The following ZNF831 variants were observed in gnomAD, a reference collection of about 807,000 sequenced individuals.
The protein encoded by ZNF831 is chromosome 20 open reading frame 174.
Under a neutral mutation model 95.8 loss-of-function variants are expected in ZNF831, and 59 were observed. The ratio of observed to expected loss-of-function variants is 0.62; its 90% CI spans 0.50 to 0.77. The LOEUF (loss-of-function observed/expected upper bound fraction) is 0.77. Ranked by LOEUF, ZNF831 falls within the 30% of genes least tolerant of loss-of-function variation. The pLI, the probability that ZNF831 is intolerant of heterozygous loss-of-function variation, is 0.00. For missense variants in ZNF831, 2,205 were observed against 2,164.0 expected (o/e 1.02, Z -0.38); for synonymous variants, 961 against 925.5 (o/e 1.04, Z -0.70).
chr20:59,163,622 T>A (rs962212584), upstream of ZNF831, among the ~76,000 whole-genome samples: 2 of 152,106 alleles, frequency 1.3e-5, no homozygotes, highest in African/African-American at 4.8e-5. Flanking sequence ...TCTAATGCAA[T>A]GTTTTTTTGC....
chr20:59,147,832 A>G (rs749527041), intron 2 of ZNF831, among the ~76,000 whole-genome samples: 11 of 152,264 alleles, frequency 7.2e-5, no homozygotes, highest in Non-Finnish European at 1.5e-4. Context: ...TTCATATTTC[A>G]GAGGCGAGGC....
At chr20:59,133,656 G>A (rs1979414373) in intron 1 of ZNF831, among the ~76,000 whole-genome samples, 2 of 152,148 alleles carry the variant, frequency 1.3e-5, no homozygotes, top group Non-Finnish European at 2.9e-5. Flanking sequence ...GATAAAGGCT[G>A]GTTGACCAAG....
intron 2 of ZNF831, among the ~76,000 whole-genome samples, chr20:59,147,725 C>G (rs181472229): frequency 6.6e-6 from 1 of 152,190 alleles, no homozygotes; most frequent in African/African-American, 2.4e-5. Flanking sequence ...ATAGTTTAGG[C>G]AAAGTGTAAT....
At chr20:59,220,795 CT>C (rs1986027686) in intron 4 of ZNF831, among the ~76,000 whole-genome samples, 1 of 151,990 alleles carries the variant, frequency 6.6e-6, no homozygotes, top group African/African-American at 2.4e-5. Flanking sequence ...TAACGTTTCC[CT>C]TTCTCTCTCA....
intron 1 of ZNF831, among the ~76,000 whole-genome samples, chr20:59,136,959 G>T (rs547794932): frequency 2.6e-5 from 4 of 152,154 alleles, no homozygotes; most frequent in Non-Finnish European, 4.4e-5. Flanking sequence ...GGGAAGGGGT[G>T]CATCCACCTT....
rs1454610949 is a variant in ZNF831, at chr20:59,192,386, T to A, written c.1367T>A (p.Ile456Asn). ...YTYKDSFHFD[I>N]RALEPGRRRA... Reference sequence around the variant, plus strand: ...TACAAGGACTCCTTCCACTTTGACATCCGCGCGCTGGAGCCAGGCCGTAGG... The same window carrying A: ...TACAAGGACTCCTTCCACTTTGACAACCGCGCGCTGGAGCCAGGCCGTAGG... Residue 456 changes from isoleucine (I) to asparagine (N), a missense_variant, in exon 2 of 6, where the codon ATC becomes AAC. By Grantham distance (149) the Ile-to-Asn change is moderately radical. Transcript: ENST00000371030. The surrounding 1 kb of genome is among the most constrained non-coding windows in gnomAD (Gnocchi z 5.2). The A allele has an allele frequency of 1.2e-6, 2 of 1,611,854 alleles. No homozygotes were observed. The highest frequency in any genetic ancestry group is 1.7e-6 in the Non-Finnish European group (2 of 1,179,532).
At chr20:59,172,293 G>A (rs569592721) in intron 1 of ZNF831, among the ~76,000 whole-genome samples, 9 of 152,172 alleles carry the variant, frequency 5.9e-5, no homozygotes, top group South Asian at 4.1e-4. Context: ...TGTTGCTCCC[G>A]TGGCACGCTC....
rs575904880 is a variant in ZNF831, at chr20:59,190,889, G to T, written c.-36-95G>T. On this transcript the variant is annotated intron_variant, in intron 1 of 5. Coordinates refer to ENST00000371030, the MANE Select transcript of ZNF831 (RefSeq NM_178457.3). Reference sequence around the variant, plus strand: ...TTCCTTAGGGGATTGTCAGGCTTCCGTTGGGTGATGAAGTGCTTGGTGCAG... The same window carrying T: ...TTCCTTAGGGGATTGTCAGGCTTCCTTTGGGTGATGAAGTGCTTGGTGCAG... The T allele has an allele frequency of 1.7e-5, 19 of 1,106,296 alleles. 1 individual carries two copies. In the South Asian group the frequency reaches 2.2e-4, roughly 13 times the overall value. 68.5% of individuals were successfully genotyped at this position (1,106,296 alleles called of 1,614,324 possible).
At chr20:59,133,780 C>T (rs975968429) in intron 1 of ZNF831, among the ~76,000 whole-genome samples, 2 of 152,190 alleles carry the variant, frequency 1.3e-5, no homozygotes, top group African/African-American at 2.4e-5. Context: ...GGCAGCTCAG[C>T]GGCAAGGACG....
rs1988299028 is a variant in ZNF831 at position 59,258,941 on chromosome 20, A to C, written c.*4198A>C. ...AAAAACATCAGCCTCTGCCACTTGG[A>C]GCACTAGAGGATGACGGAATGTCTT... On this transcript the variant is annotated 3_prime_UTR_variant, in exon 6 of 6. Transcript: ENST00000371030. The C allele has an allele frequency of 6.6e-6, 1 of 152,218 alleles. No homozygotes were observed. The highest frequency in any genetic ancestry group is 2.1e-4 in the South Asian group (1 of 4,834). The allele number at this position is 152,218 out of a possible 1,614,324, so 9.4% of individuals were successfully genotyped here.
chr20:59,197,883 C>A (rs764972619), intron 3 of ZNF831, among the ~76,000 whole-genome samples: 6 of 151,398 alleles, frequency 4.0e-5, no homozygotes, highest in African/African-American at 1.4e-4. Flanking sequence ...CAAGGGACAT[C>A]GGCTAGTGGT....
At chr20:59,244,173 T>C (rs1160837415) in intron 4 of ZNF831, among the ~76,000 whole-genome samples, 2 of 115,064 alleles carry the variant, frequency 1.7e-5, no homozygotes, top group Non-Finnish European at 3.9e-5. Flanking sequence ...AGAAAAGTGG[T>C]TTCTGGGAAA....
intron 1 of ZNF831, among the ~76,000 whole-genome samples, chr20:59,164,839 A>T (rs1372835718): frequency 2.0e-5 from 3 of 152,164 alleles, no homozygotes; most frequent in African/African-American, 7.2e-5. Flanking sequence ...CTGAGAGGTA[A>T]CGTGTTTCTC....
In ZNF831 at chr20:59,157,596, G is replaced by T. The variant is rs540935987; in HGVS notation, c.-1280-2056G>T. On this transcript the variant is annotated intron_variant, in intron 2 of 7. Coordinates refer to the ZNF831 transcript ENST00000637017. ...AAAACCAAACCCTGGGAAGGGCCAG[G>T]GTCTCTCAGACCAGGACTTGGATTC... Among the ~76,000 whole-genome samples the T allele has an allele frequency of 3.9e-5, 6 of 152,280 alleles. No individual in the cohort carries two copies. In the East Asian group the frequency reaches 1.2e-3, roughly 29 times the overall value.
chr20:59,197,524 CTAG>C (rs748105039), intron 3 of ZNF831, among the ~76,000 whole-genome samples: 3 of 152,168 alleles, frequency 2.0e-5, no homozygotes, highest in Non-Finnish European at 4.4e-5. Context: ...CTGGCATTTT[CTAG>C]ATTTTTCTTG....
rs894683330 is a variant in ZNF831, at chr20:59,208,076, CTTACAG to C, written c.4027+1023_4027+1028del. Among the ~76,000 whole-genome samples the C allele has an allele frequency of 4.3e-4, 65 of 152,366 alleles. No homozygotes were observed. The highest frequency in any genetic ancestry group is 1.5e-3 in the African/African-American group (61 of 41,580). On this transcript the variant is annotated intron_variant, in intron 4 of 5. Transcript: ENST00000371030. The surrounding 1 kb of genome is among the most constrained non-coding windows in gnomAD (Gnocchi z 4.2). ...AATTTAAATCCAGGCAAGAATTCAT[CTTACAG>C]TTGGGGCCAGTTGTTGAAGAAGAAA...
rs1468838451 is a variant in ZNF831, at chr20:59,168,445, G to C, written c.-37+4238G>C. Among the ~76,000 whole-genome samples the C allele has an allele frequency of 1.4e-5, 2 of 141,050 alleles. 1 individual carries two copies. The highest frequency in any genetic ancestry group is 5.3e-5 in the African/African-American group (2 of 38,076). 92.5% of individuals were successfully genotyped at this position (141,050 alleles called of 152,430 possible). A position where few individuals can be genotyped will look rare whatever the true frequency, so the allele number is the denominator to read the frequency against. On this transcript the variant is annotated intron_variant, in intron 1 of 5. Transcript: ENST00000371030. Reference sequence around the variant, plus strand: ...GTGTCCTTGCTGCACTCACTTATTAGTGCGAGGAGGTTTTTTTTTTTTTTT... The same window carrying C: ...GTGTCCTTGCTGCACTCACTTATTACTGCGAGGAGGTTTTTTTTTTTTTTT...
chr20:59,200,983 T>C (rs260000), intron 3 of ZNF831, among the ~76,000 whole-genome samples: 16,941 of 152,170 alleles, frequency 0.11, 1,970 homozygotes, highest in African/African-American at 0.3. Context: ...CTTTAAATTA[T>C]CTTGGGAAAA....
intron 2 of ZNF831, chr20:59,146,858 T>C (rs1224778807): frequency 6.6e-5 from 10 of 152,202 alleles, no homozygotes; most frequent in African/African-American, 2.4e-4. Context: ...GCTTCCTTCC[T>C]AGTAGAAATC....
Sources: gnomAD v4.1 joint callset for allele counts (sites outside exome capture counted in the v4.1 genomes callset) on GRCh38, gnomAD v4.1.1 for gene constraint, Gnocchi (gnomAD v3.1) non-coding constraint, MANE v1.5 for transcripts, NCBI Gene and HGNC (gene_info 2026-07-23, HGNC 2026-07-21) for gene names.